The following KHDRBS2 variants were observed in gnomAD, a reference collection of about 807,000 sequenced individuals.
The protein encoded by KHDRBS2 is KH RNA binding domain containing, signal transduction associated 2.
A neutral mutation model predicts 44.3 loss-of-function variants in KHDRBS2; 26 were observed. The ratio of observed to expected loss-of-function variants is 0.59; its 90% CI spans 0.43 to 0.81. KHDRBS2 has a LOEUF of 0.81. Ranked by LOEUF, KHDRBS2 falls within the 40% of genes least tolerant of loss-of-function variation. KHDRBS2 has a pLI of 0.00. For missense variants in KHDRBS2, 476 were observed against 433.1 expected (o/e 1.10, Z -0.88); for synonymous variants, 194 against 151.1 (o/e 1.28, Z -2.08).
chr6:62,143,172 T>A (rs1424328869), intron 2 of KHDRBS2, among the ~76,000 whole-genome samples: 2 of 151,920 alleles, frequency 1.3e-5, no homozygotes, highest in Non-Finnish European at 2.9e-5. Flanking sequence ...ATATACTTGA[T>A]GTTTCAGTCT....
chr6:62,135,308 C>A (rs918425786), intron 2 of KHDRBS2, among the ~76,000 whole-genome samples: 1 of 152,144 alleles, frequency 6.6e-6, no homozygotes, highest in Non-Finnish European at 1.5e-5. Flanking sequence ...GTAAGACACA[C>A]CTTTTGCCTT....
chr6:61,858,160 G>A (rs1246774988), intron 6 of KHDRBS2, among the ~76,000 whole-genome samples: 3 of 151,230 alleles, frequency 2.0e-5, no homozygotes, highest in Non-Finnish European at 3.0e-5. Context: ...CACCTCAGAA[G>A]CATTTATTCC....
At chr6:62,240,672 GTATATATATATATATATATATATATA>G (rs4036655) in intron 1 of KHDRBS2, among the ~76,000 whole-genome samples, 31 of 64,156 alleles carry the variant, frequency 4.8e-4, no homozygotes, top group Admixed American at 7.7e-4. Context: ...ATGTGTGTGT[GTATATATATATATATATATATATATA>G]TATATATATA....
At chr6:62,151,244 CT>C (rs1209148548) in intron 2 of KHDRBS2, among the ~76,000 whole-genome samples, 1 of 152,114 alleles carries the variant, frequency 6.6e-6, no homozygotes. Context: ...AAACTTGCCC[CT>C]GATTAAGTGG....
At chr6:61,700,661 C>G (rs1768508824) in intron 7 of KHDRBS2, among the ~76,000 whole-genome samples, 1 of 151,274 alleles carries the variant, frequency 6.6e-6, no homozygotes, top group Non-Finnish European at 1.5e-5. Context: ...GGGATGTGTG[C>G]AGAGATGGGA....
intron 2 of KHDRBS2, among the ~76,000 whole-genome samples, chr6:62,049,498 A>AC (rs1788501139): frequency 6.6e-6 from 1 of 151,404 alleles, no homozygotes; most frequent in South Asian, 2.1e-4. Flanking sequence ...AGCACCAAAA[A>AC]AAAAAAATCC....
At chr6:62,178,128 T>C (rs1032301650) in intron 1 of KHDRBS2, among the ~76,000 whole-genome samples, 8 of 151,280 alleles carry the variant, frequency 5.3e-5, no homozygotes, top group Admixed American at 2.6e-4. Context: ...TGGGGGCAAA[T>C]AATAAACACA....
chr6:61,760,872 T>C (rs1289864256), intron 6 of KHDRBS2, among the ~76,000 whole-genome samples: 1 of 152,204 alleles, frequency 6.6e-6, no homozygotes, highest in African/African-American at 2.4e-5. Context: ...CATTTGGAAA[T>C]GTCATGAAGA....
rs1428313273 is a variant in KHDRBS2, at chr6:62,286,007, G to C, written c.-59C>G. The C allele has an allele frequency of 1.8e-6, 2 of 1,086,842 alleles. No homozygotes were observed. The highest frequency in any genetic ancestry group is 1.5e-5 in the African/African-American group (1 of 64,582). 67.3% of individuals were successfully genotyped at this position (1,086,842 alleles called of 1,614,324 possible). A position where few individuals can be genotyped will look rare whatever the true frequency, so the allele number is the denominator to read the frequency against. On this transcript the variant is annotated 5_prime_UTR_variant, in exon 1 of 9. Coordinates refer to ENST00000281156, the MANE Select transcript of KHDRBS2 (RefSeq NM_152688.4). ...CGAGGTTCCGCTCGCTCGGACGCAGGCAGGGTCTTGGGGCAGCGCCTGGCT... is the reference window on the plus strand; with the variant it reads ...CGAGGTTCCGCTCGCTCGGACGCAGCCAGGGTCTTGGGGCAGCGCCTGGCT...
At chr6:62,062,724 A>G (rs1302147091) in intron 2 of KHDRBS2, among the ~76,000 whole-genome samples, 3 of 147,384 alleles carry the variant, frequency 2.0e-5, no homozygotes, top group South Asian at 2.2e-4. Context: ...AAGAACTAGA[A>G]AAGCAAGAGC....
At chr6:61,656,420 G>T in the KHDRBS2 span, among the ~76,000 whole-genome samples, 1 of 151,922 alleles carries the variant, frequency 6.6e-6, no homozygotes, top group African/African-American at 2.4e-5. Context: ...ACTAATAAAA[G>T]ATTTGAGCCT....
At chr6:62,188,272 T>C (rs1383280883) in intron 1 of KHDRBS2, among the ~76,000 whole-genome samples, 1 of 152,140 alleles carries the variant, frequency 6.6e-6, no homozygotes, top group Non-Finnish European at 1.5e-5. Context: ...TCATCTTGTA[T>C]AATAAATATT....
chr6:62,005,344 A>T (rs1779017775), intron 3 of KHDRBS2, among the ~76,000 whole-genome samples: 1 of 152,026 alleles, frequency 6.6e-6, no homozygotes, highest in Non-Finnish European at 1.5e-5. Context: ...GTTGTTTGCT[A>T]TTTCTATTCC....
chr6:62,213,903 A>AAAAAAAAG (rs1829544739), intron 1 of KHDRBS2, among the ~76,000 whole-genome samples: 1 of 137,796 alleles, frequency 7.3e-6, no homozygotes, highest in Admixed American at 7.4e-5. Flanking sequence ...AAAAAAAAAA[A>AAAAAAAAG]GAATGAAGTA....
intron 3 of KHDRBS2, among the ~76,000 whole-genome samples, chr6:62,022,014 T>C (rs994611399): frequency 1.8e-4 from 27 of 148,686 alleles, no homozygotes; most frequent in Non-Finnish European, 2.7e-4. Context: ...TATATATATA[T>C]ACACACACAC....
intron 2 of KHDRBS2, among the ~76,000 whole-genome samples, chr6:62,062,158 G>T (rs1462050242): frequency 1.3e-5 from 2 of 148,382 alleles, no homozygotes; most frequent in African/African-American, 2.5e-5. Flanking sequence ...AAGAGACTTA[G>T]ACTCCCACAC....
At chr6:62,233,202 AAAG>A (rs1269859416) in intron 1 of KHDRBS2, among the ~76,000 whole-genome samples, 5 of 152,134 alleles carry the variant, frequency 3.3e-5, no homozygotes, top group Non-Finnish European at 4.4e-5. Flanking sequence ...CTTCCATTGA[AAAG>A]AAGGAAGGTG....
the KHDRBS2 span, among the ~76,000 whole-genome samples, chr6:61,556,734 C>A: frequency 3.3e-5 from 5 of 152,052 alleles, no homozygotes; most frequent in Admixed American, 6.5e-5. Flanking sequence ...ACTTTGGTGT[C>A]TGGTACAAGT....
intron 6 of KHDRBS2, among the ~76,000 whole-genome samples, chr6:61,848,508 T>TATATATAC (rs1794832572): frequency 7.5e-5 from 4 of 53,646 alleles, no homozygotes; most frequent in African/African-American, 1.1e-4. Context: ...TATATATATA[T>TATATATAC]ATGTATATAT....
Sources: gnomAD v4.1 joint callset for allele counts (sites outside exome capture counted in the v4.1 genomes callset) on GRCh38, gnomAD v4.1.1 for gene constraint, MANE v1.5 for transcripts, NCBI Gene and HGNC (gene_info 2026-07-23, HGNC 2026-07-21) for gene names.